TPX2: variants seen among roughly 807,000 people sequenced by gnomAD.
TPX2 encodes the protein TPX2 microtubule nucleation factor, also known as targeting protein for Xklp2.
Under a neutral mutation model 93.6 loss-of-function variants are expected in TPX2, and 21 were observed. The ratio of observed to expected loss-of-function variants is 0.22; its 90% CI spans 0.16 to 0.32. The LOEUF is 0.32. Ranked by LOEUF, TPX2 falls within the 10% of genes least tolerant of loss-of-function variation. TPX2 has a pLI of 1.00. For synonymous variants in TPX2, 281 were observed against 298.3 expected, an observed-to-expected ratio of 0.94 and a Z score of 0.60; for missense variants, 776 against 871.1, an observed-to-expected ratio of 0.89 and a Z score of 1.37.
chr20:31,759,743 A>G (rs185101833), intron 3 of TPX2, among the ~76,000 whole-genome samples: 2 of 152,234 alleles, frequency 1.3e-5, no homozygotes, highest in East Asian at 1.9e-4. Flanking sequence ...TAGGGAGTAG[A>G]TAAAGCCAGT....
At position 31,779,998 on chromosome 20, in the gene TPX2, G is replaced by C. The variant is rs2062023288; in HGVS notation, c.1054+1014G>C. Among the ~76,000 whole-genome samples the C allele has an allele frequency of 2.0e-5, 3 of 152,316 alleles. No homozygotes were observed. The South Asian group carries it at 6.2e-4, about 32-fold the overall frequency. ...TAGGGATAGTATTCTGGATAAAGCA[G>C]AATGTGGTTGTTTTACCTTTGAGGA... On this transcript the variant is annotated intron_variant, in intron 10 of 17. Coordinates refer to ENST00000300403, the MANE Select transcript of TPX2 (RefSeq NM_012112.5).
chr20:31,759,403 T>G (rs2061873571), intron 3 of TPX2, among the ~76,000 whole-genome samples: 1 of 145,234 alleles, frequency 6.9e-6, no homozygotes, highest in African/African-American at 2.6e-5. Context: ...TTCGTTTTTT[T>G]TTTTTTTTTT....
chr20:31,783,610 A>T, intron 11 of TPX2, 95 bp from the exon 12 acceptor site: 1 of 1,190,764 alleles, frequency 8.4e-7, no homozygotes, highest in Non-Finnish European at 1.2e-6. Flanking sequence ...GCATAATCTT[A>T]ATGATTACTA....
Position 31,801,032 on chromosome 20 carries a change from T to G in TPX2, c.2196T>G (p.Pro732=). 1 of 1,614,226 alleles carries G rather than the reference T, an allele frequency of 6.2e-7. No homozygotes were observed. Among genetic ancestry groups the G allele is most frequent in the Middle Eastern group, 1.6e-4 (1 of 6,062 alleles). ...TGGAGATAAAGTCAAGTGACCAGCC[T>G]CTGACTGTGCCTGTATCTCCCAAAT... The part of the protein sequence containing the change: ...QGLEIKSSDQ[P]LTVPVSPKFS... The change falls in exon 18 of 18, where the codon CCT becomes CCG. Residue 732 remains proline, a synonymous_variant. Coordinates refer to ENST00000300403, the MANE Select transcript of TPX2 (RefSeq NM_012112.5).
chr20:31,761,761 A>G (rs1186593054), intron 4 of TPX2, among the ~76,000 whole-genome samples: 1 of 152,078 alleles, frequency 6.6e-6, no homozygotes, highest in African/African-American at 2.4e-5. Flanking sequence ...TTCTTTTTGG[A>G]TATATACCCA....
chr20:31,750,501 G>A (rs943979692), intron 2 of TPX2, among the ~76,000 whole-genome samples: 9 of 146,384 alleles, frequency 6.1e-5, no homozygotes, highest in Admixed American at 3.5e-4. Context: ...TTTATGAGAC[G>A]GAGTCTCACA....
intron 5 of TPX2, among the ~76,000 whole-genome samples, chr20:31,767,597 G>C (rs1397571857): frequency 6.6e-6 from 1 of 152,120 alleles, no homozygotes; most frequent in African/African-American, 2.4e-5. Flanking sequence ...AGTTACCCAG[G>C]CTGGAGTGCA....
chr20:31,766,773 G>C, intron 5 of TPX2, 91 bp downstream of exon 5: 1 of 850,416 alleles, frequency 1.2e-6, no homozygotes, highest in Non-Finnish European at 1.7e-6. Context: ...TCTATACTGT[G>C]TTTATGGACA....
intron 4 of TPX2, among the ~76,000 whole-genome samples, chr20:31,764,996 C>A (rs541876205): frequency 2.3e-4 from 34 of 150,986 alleles, no homozygotes; most frequent in Admixed American, 3.3e-4. Context: ...AGTGTGTCAC[C>A]CCATCTATAG....
chr20:31,753,073 G>A (rs2061829392), intron 2 of TPX2, among the ~76,000 whole-genome samples: 1 of 152,146 alleles, frequency 6.6e-6, no homozygotes, highest in Non-Finnish European at 1.5e-5. Flanking sequence ...AAGTAGAAAT[G>A]GAGGAGAGAG....
In TPX2 at chr20:31,742,610, G is replaced by A. The variant is rs1233287517; in HGVS notation, c.-108G>A. 1 of 152,210 alleles carries A rather than the reference G, an allele frequency of 6.6e-6. No individual in the cohort carries two copies. Among genetic ancestry groups the A allele is most frequent in the Non-Finnish European group, 1.5e-5 (1 of 68,046 alleles). 9.4% of individuals were successfully genotyped at this position (152,210 alleles called of 1,614,324 possible). Reference sequence around the variant, plus strand: ...GTGAAAGAGAAGATTGCAACTTTGAGTCAGACCTGTAGGCCTGATAGACTG... The same window carrying A: ...GTGAAAGAGAAGATTGCAACTTTGAATCAGACCTGTAGGCCTGATAGACTG... On this transcript the variant is annotated 5_prime_UTR_variant, in exon 2 of 18. Transcript: ENST00000300403.
In TPX2 at chr20:31,782,406, A is replaced by G. The variant is rs7362231; in HGVS notation, c.1196+16A>G. 6.3e-7 allele frequency: 1 copy of G among 1,596,532 alleles called. No individual in the cohort carries two copies. Among genetic ancestry groups the G allele is most frequent in the Middle Eastern group, 1.7e-4 (1 of 5,908 alleles). On this transcript the variant is annotated intron_variant, in intron 11 of 17. Coordinates refer to ENST00000300403, the MANE Select transcript of TPX2 (RefSeq NM_012112.5). Reference sequence around the variant, plus strand: ...AATTGCAACAGTAAGTCCCACTGGCAGTATCTGAGGAAGAGTTCCACGAAC... The same window carrying G: ...AATTGCAACAGTAAGTCCCACTGGCGGTATCTGAGGAAGAGTTCCACGAAC...
At chr20:31,755,136 G>T (rs1237965489) in intron 2 of TPX2, among the ~76,000 whole-genome samples, 1 of 152,054 alleles carries the variant, frequency 6.6e-6, no homozygotes, top group Non-Finnish European at 1.5e-5. Context: ...TTTTAGTAGA[G>T]ACAGGGTTTC....
intron 11 of TPX2, among the ~76,000 whole-genome samples, chr20:31,783,425 A>G (rs893325363): frequency 2.0e-5 from 3 of 151,542 alleles, no homozygotes; most frequent in Non-Finnish European, 4.4e-5. Flanking sequence ...TAATTTTTGT[A>G]TTTTTAGTAG....
At position 31,783,825 on chromosome 20, in the gene TPX2, A is replaced by G. The variant is rs148051312; in HGVS notation, c.1317A>G (p.Lys439=). The stretch of plus-strand genomic sequence containing the variant: ...TTGGCTTTGATTTGGAAATTGAGAA[A>G]AGAATCCAGGAGCGAGAATCAAAGA... ...EPIGFDLEIE[K]RIQERESKKK... is the part of the protein sequence containing the mutation. The change falls in exon 12 of 18, where the codon AAA becomes AAG. Residue 439 remains lysine, a synonymous_variant. Transcript: ENST00000300403. The G allele has an allele frequency of 4.6e-4, 735 of 1,612,338 alleles. 3 individuals are homozygous for G. In the African/African-American group the frequency reaches 7.9e-3, roughly 17 times the overall value.
intron 4 of TPX2, 84 bp downstream of exon 4, chr20:31,760,263 A>G (rs2061881169): frequency 1.0e-5 from 16 of 1,540,814 alleles, no homozygotes; most frequent in Non-Finnish European, 1.3e-5. Flanking sequence ...AAAATTACCT[A>G]AATGCTCTAT....
At chr20:31,778,013 G>A (rs915209696) in intron 9 of TPX2, among the ~76,000 whole-genome samples, 4 of 151,974 alleles carry the variant, frequency 2.6e-5, no homozygotes, top group African/African-American at 9.7e-5. Flanking sequence ...GACCTCAGGC[G>A]ATCCACCTGC....
intron 15 of TPX2, 126 bp downstream of exon 15, chr20:31,794,674 AG>A: frequency 8.3e-7 from 1 of 1,211,370 alleles, no homozygotes; most frequent in South Asian, 1.5e-5. Context: ...ACTGTAAATC[AG>A]GGGTCAGCAC....
chr20:31,798,239 A>C, intron 16 of TPX2, 126 bp from the exon 17 acceptor site: 1 of 1,199,056 alleles, frequency 8.3e-7, no homozygotes, highest in South Asian at 1.4e-5. Context: ...CTTTCTCCCA[A>C]TGGGGCTTGT....
Sources: allele counts gnomAD v4.1 joint callset (sites outside exome capture counted in the v4.1 genomes callset), GRCh38; gene constraint gnomAD v4.1.1; transcripts MANE v1.5; gene names NCBI Gene and HGNC (gene_info 2026-07-23, HGNC 2026-07-21).